IFITM10: variants seen among roughly 807,000 people sequenced by gnomAD.
IFITM10 encodes interferon induced transmembrane protein 10.
Under a neutral mutation model 19.0 loss-of-function variants are expected in IFITM10, and 17 were observed. The observed-to-expected ratio is 0.90, with a 90% CI of 0.61 to 1.34. The LOEUF (loss-of-function observed/expected upper bound fraction) is 1.34, where lower values mean the gene tolerates loss of function less well. IFITM10 is among the 40% of genes most tolerant of loss of function. The probability of loss-of-function intolerance (pLI) is 0.00; values close to 1 mark genes in which losing one functional copy is unlikely to be tolerated. For synonymous variants in IFITM10, 148 were observed against 147.2 expected, an observed-to-expected ratio of 1.01 and a Z score of -0.04; for missense variants, 306 against 319.8, an observed-to-expected ratio of 0.96 and a Z score of 0.33.
rs1471557140 is a variant in IFITM10 at position 1,735,370 on chromosome 11, G to A, written c.597C>T (p.Ala199=). Residue 199 remains alanine (A), a synonymous_variant, in exon 3 of 3, where the codon GCC becomes GCT. Coordinates refer to ENST00000340134, the MANE Select transcript of IFITM10 (RefSeq NM_001170820.4). ...LNGAVEDAKT[A]RLFNITSSAL... ...CAGAACTGGTGATGTTGAACAGCCG[G>A]GCCGTCTTTGCATCCTCCACGGCTC... 11 of 1,551,598 alleles carry A rather than the reference G, an allele frequency of 7.1e-6. No homozygotes were observed. Among genetic ancestry groups the A allele is most frequent in the Non-Finnish European group, 9.6e-6 (11 of 1,146,974 alleles).
intron 1 of IFITM10, chr11:1,749,256 C>G (rs1316002315): frequency 4.5e-6 from 1 of 224,152 alleles, no homozygotes; most frequent in Non-Finnish European, 7.5e-6. Flanking sequence ...CGGCAGCGGG[C>G]ACAGCCACCT....
chr11:1,745,115 C>G (rs1012889704), intron 2 of IFITM10: 1 of 152,380 alleles, frequency 6.6e-6, no homozygotes, highest in Non-Finnish European at 1.5e-5. Flanking sequence ...TGTAATGAGC[C>G]GTCCCTGACC....
In IFITM10 at chr11:1,732,743, TCC is replaced by T. The variant is rs992108204; in HGVS notation, c.*2535_*2536del. On this transcript the variant is annotated 3_prime_UTR_variant, in exon 3 of 3. Coordinates refer to ENST00000340134, the MANE Select transcript of IFITM10 (RefSeq NM_001170820.4). ...CATTGCCCGGAGTTGGATACAAACA[TCC>T]CAAGAGCTAGGGGTGCCTTTACTGG... 8 of 152,078 alleles carry T rather than the reference TCC, an allele frequency of 5.3e-5. No homozygotes were observed. The highest frequency in any genetic ancestry group is 1.9e-4 in the African/African-American group (8 of 41,376). The allele number at this position is 152,078 out of a possible 1,614,324, so 9.4% of individuals were successfully genotyped here.
chr11:1,748,427 C>G (rs1056704947), intron 1 of IFITM10: 1 of 358,176 alleles, frequency 2.8e-6, no homozygotes, highest in Non-Finnish European at 5.0e-6. Flanking sequence ...CTGAGACTGA[C>G]ACTGTTGCAA....
At chr11:1,746,743 C>T in intron 2 of IFITM10, 2 of 398,980 alleles carry the variant, frequency 5.0e-6, no homozygotes, top group Non-Finnish European at 8.8e-6. Context: ...TTCTCCCCCA[C>T]CCGGCAGGGC....
rs1017274236 is a variant in IFITM10, at chr11:1,747,910, C to T, written c.294G>A (p.Pro98=). 16 of 1,497,906 alleles carry T rather than the reference C, an allele frequency of 1.1e-5. 1 individual carries two copies. In the African/African-American group the frequency reaches 1.5e-4, roughly 14 times the overall value. 92.8% of individuals were successfully genotyped at this position (1,497,906 alleles called of 1,614,324 possible). ...APAPEPSASP[P]MAPTLFPMES... is the part of the protein sequence containing the mutation. ...CCATGGGGAACAGTGTGGGCGCCAT[C>T]GGGGGAGAGGCCGAGGGCTCAGGGG... The change falls in exon 2 of 3, where the codon CCG becomes CCA. Residue 98 remains proline, a synonymous_variant. Coordinates refer to ENST00000340134, the MANE Select transcript of IFITM10 (RefSeq NM_001170820.4).
chr11:1,748,980 G>A, intron 1 of IFITM10: 1 of 967,950 alleles, frequency 1.0e-6, no homozygotes, highest in African/African-American at 1.8e-5. Flanking sequence ...GCCCCATCCG[G>A]GTCTGCCGCA....
chr11:1,747,742 G>T lies in IFITM10; in HGVS notation c.462C>A (p.Tyr154Ter). 1.1e-5 allele frequency: 17 copies of T among 1,551,828 alleles called. No individual in the cohort carries two copies. The highest frequency in any genetic ancestry group is 1.5e-5 in the Non-Finnish European group (17 of 1,146,986). ...YPDTTEVNDYYLWSIFNFVYL... is the reference protein window; with the variant it reads ...YPDTTEVNDY ...AGACGAAGTTGAAGATGGACCACAGGTAATAGTCGTTCACCTCGGTGGTGT... is the reference window on the plus strand; with the variant it reads ...AGACGAAGTTGAAGATGGACCACAGTTAATAGTCGTTCACCTCGGTGGTGT... Residue 154 changes from tyrosine (Y) to a stop codon, truncating the protein, a stop_gained, in exon 2 of 3, where the codon TAC (tyrosine) becomes TAA (stop). Transcript: ENST00000340134. LOFTEE classifies it high-confidence loss of function.
At chr11:1,743,034 TGGATGGATGGATGAA>T (rs1203022727) in intron 2 of IFITM10, among the ~76,000 whole-genome samples, 3 of 136,236 alleles carry the variant, frequency 2.2e-5, no homozygotes, top group African/African-American at 8.7e-5. Context: ...TGAGGGTGGA[TGGATGGATGGATGAA>T]GGATGGATGG....
Position 1,735,123 on chromosome 11 carries a change from A to G in IFITM10, c.*157T>C. ...AGCTCACTGCCCCCTTGCTGTACTC[A>G]GCTTCTGATGGCCTTGCTGCCCAGT... On this transcript the variant is annotated 3_prime_UTR_variant, in exon 3 of 3. Transcript: ENST00000340134. 1 of 707,526 alleles carries G rather than the reference A, an allele frequency of 1.4e-6. No homozygotes were observed. The highest frequency in any genetic ancestry group is 1.9e-5 in the South Asian group (1 of 51,990). The allele number at this position is 707,526 out of a possible 1,614,324, so 43.8% of individuals were successfully genotyped here. A position where few individuals can be genotyped will look rare whatever the true frequency, so the allele number is the denominator to read the frequency against.
At position 1,735,212 on chromosome 11, in the gene IFITM10, G is replaced by A. The variant is rs1851072777; in HGVS notation, c.*68C>T. On this transcript the variant is annotated 3_prime_UTR_variant, in exon 3 of 3. Transcript: ENST00000340134. ...CTGCCCCAACCTCATGGGATCCTGCGTTTCAGGGACCATGAGAATAAACAT... is the reference window on the plus strand; with the variant it reads ...CTGCCCCAACCTCATGGGATCCTGCATTTCAGGGACCATGAGAATAAACAT... 8 of 1,503,804 alleles carry A rather than the reference G, an allele frequency of 5.3e-6. No individual in the cohort carries two copies. Among genetic ancestry groups the A allele is most frequent in the South Asian group, 5.0e-5 (4 of 80,334 alleles). 93.2% of individuals were successfully genotyped at this position (1,503,804 alleles called of 1,614,324 possible).
rs995625002 is a variant in IFITM10 at position 1,735,438 on chromosome 11, G to A, written c.538-9C>T. ...AGCTTCTTGTCTCGCACCTGAAGCC[G>A]GGAGGAGGACAGGAAATGGGCAGTC... On this transcript the variant is annotated splice_polypyrimidine_tract_variant and intron_variant, in intron 2 of 2. Coordinates refer to ENST00000340134, the MANE Select transcript of IFITM10 (RefSeq NM_001170820.4). 6 of 1,550,540 alleles carry A rather than the reference G, an allele frequency of 3.9e-6. No homozygotes were observed. Among genetic ancestry groups the A allele is most frequent in the Middle Eastern group, 3.4e-4 (2 of 5,952 alleles).
Position 1,747,954 on chromosome 11 carries a change from G to A in IFITM10, c.250C>T (p.Gln84Ter). ...FACVSKPPAL[Q>*]APAAPAPEPS... ...TCAGGGGCAGGGGCCGCCGGAGCCT[G>A]CAGGGCAGGGGGCTTGGACACGCAA... The change falls in exon 2 of 3, where the codon CAG becomes TAG. Residue 84 changes from glutamine (Q) to a stop codon, truncating the protein, a stop_gained. Coordinates refer to ENST00000340134, the MANE Select transcript of IFITM10 (RefSeq NM_001170820.4). LOFTEE classifies it high-confidence loss of function. The A allele has an allele frequency of 1.4e-6, 2 of 1,469,310 alleles. No individual in the cohort carries two copies. The highest frequency in any genetic ancestry group is 1.8e-6 in the Non-Finnish European group (2 of 1,109,560). The allele number at this position is 1,469,310 out of a possible 1,614,324, so 91.0% of individuals were successfully genotyped here. A position where few individuals can be genotyped will look rare whatever the true frequency, so the allele number is the denominator to read the frequency against.
At chr11:1,749,168 G>C (rs1428902709) in intron 1 of IFITM10, 2 of 890,234 alleles carry the variant, frequency 2.2e-6, no homozygotes, top group African/African-American at 1.8e-5. Context: ...CGGCGGCGCC[G>C]CTGCCTCCCC....
chr11:1,747,034 T>G (rs551839646), intron 2 of IFITM10, among the ~76,000 whole-genome samples: 1 of 152,208 alleles, frequency 6.6e-6, no homozygotes, highest in South Asian at 2.1e-4. Flanking sequence ...GACAGGGTCA[T>G]GTCTGCCCAG....
intron 1 of IFITM10, chr11:1,748,997 C>A: frequency 9.7e-7 from 1 of 1,032,966 alleles, no homozygotes; most frequent in Non-Finnish European, 1.2e-6. Context: ...CGCAGCCCCC[C>A]GGACGGCGCC....
In IFITM10 at chr11:1,732,526, T is replaced by G. The variant is rs61601570; in HGVS notation, c.*2754A>C. 0.25 allele frequency: 37,673 copies of G among 152,236 alleles called. 6,621 individuals are homozygous for G. The highest frequency in any genetic ancestry group is 0.5 in the African/African-American group (20,673 of 41,450). The allele number at this position is 152,236 out of a possible 1,614,324, so 9.4% of individuals were successfully genotyped here. On this transcript the variant is annotated 3_prime_UTR_variant, in exon 3 of 3. Transcript: ENST00000340134. ...ACAGGGAGCGCCAGCAGGTCAGGCA[T>G]GAGTACAGACAGGCAAAGACACAGA...
chr11:1,749,046 C>G, intron 1 of IFITM10: 1 of 1,114,966 alleles, frequency 9.0e-7, no homozygotes, highest in Non-Finnish European at 1.1e-6. Context: ...GCGGCCGGAC[C>G]CCCTGAGCCT....
intron 1 of IFITM10, chr11:1,749,002 G>A (rs769377689): frequency 1.6e-4 from 163 of 1,040,032 alleles, no homozygotes; most frequent in Admixed American, 5.6e-4. Context: ...CCCCCCGGAC[G>A]GCGCCTCCTC....
Sources: allele counts gnomAD v4.1 joint callset (sites outside exome capture counted in the v4.1 genomes callset), GRCh38; gene constraint gnomAD v4.1.1; transcripts MANE v1.5; gene names NCBI Gene and HGNC (gene_info 2026-07-23, HGNC 2026-07-21).